Variants in KCNMA1 observed in about 807,000 individuals in gnomAD.
The protein encoded by KCNMA1 is Calcium-activated potassium channel subunit alpha-1.
In KCNMA1, 29 loss-of-function variants were observed where a neutral mutation model predicts 140.0. That is an observed-to-expected ratio of 0.21 (90% confidence interval 0.15 to 0.28). The LOEUF is 0.28. Ranked by LOEUF, KCNMA1 falls within the 10% of genes least tolerant of loss-of-function variation. The pLI, the probability that KCNMA1 is intolerant of heterozygous loss-of-function variation, is 1.00. For synonymous variants in KCNMA1, 612 were observed against 611.9 expected (o/e 1.00, Z 0.00); for missense variants, 880 against 1,602.2 (o/e 0.55, Z 7.70).
chr10:77,324,959 CTCTCTCTCTCTCTGTGTG>C (rs1468389215), intron 2 of KCNMA1, among the ~76,000 whole-genome samples: 8 of 121,386 alleles, frequency 6.6e-5, no homozygotes, highest in African/African-American at 2.3e-4. Flanking sequence ...CTCTCTCTCT[CTCTCTCTCTCTCTGTGTG>C]TGTGTGTGTG....
intron 3 of KCNMA1, among the ~76,000 whole-genome samples, chr10:77,198,568 G>GAGATATAT (rs1554968719): frequency 7.2e-6 from 1 of 138,428 alleles, no homozygotes; most frequent in Non-Finnish European, 1.5e-5. Context: ...ATATATATGT[G>GAGATATAT]ATATATATAT....
At position 77,275,152 on chromosome 10, in the gene KCNMA1, C is replaced by T. The variant is rs1437429912; in HGVS notation, c.541-23896G>A. ...AGAAGGCAGATCCTTCTTATTTGGA[C>T]AGCTTAGACCTCAGAGAGCCTATAC... On this transcript the variant is annotated intron_variant, in intron 2 of 27. Transcript: ENST00000286628. 3.3e-5 allele frequency among the ~76,000 whole-genome samples: 5 copies of T among 152,312 alleles called. No individual in the cohort carries two copies. In the South Asian group the frequency reaches 8.3e-4, roughly 25 times the overall value.
rs997489395 is a variant in KCNMA1 at position 77,471,721 on chromosome 10, TACAC to T, written c.379-67702_379-67699del. Among the ~76,000 whole-genome samples the T allele has an allele frequency of 1.2e-4, 17 of 146,174 alleles. 1 individual carries two copies. Among genetic ancestry groups the T allele is most frequent in the Non-Finnish European group, 2.2e-4 (15 of 66,774 alleles). On this transcript the variant is annotated intron_variant, in intron 1 of 27. Coordinates refer to ENST00000286628, the MANE Select transcript of KCNMA1 (RefSeq NM_001161352.2). ...ACACATTATATACACATATCACACA[TACAC>T]ACATAACACACATACACGCATTGTC...
At chr10:77,610,717 G>T (rs922067296) in intron 1 of KCNMA1, among the ~76,000 whole-genome samples, 4 of 152,240 alleles carry the variant, frequency 2.6e-5, no homozygotes, top group African/African-American at 7.2e-5. Flanking sequence ...AGACCAGCCA[G>T]GGACTGGGAG....
intron 23 of KCNMA1, among the ~76,000 whole-genome samples, chr10:76,934,094 T>A (rs2059922610): frequency 6.6e-6 from 1 of 152,200 alleles, no homozygotes; most frequent in African/African-American, 2.4e-5. Context: ...TGCCTCAGCT[T>A]CTGGAGTAGC....
intron 19 of KCNMA1, among the ~76,000 whole-genome samples, chr10:76,986,423 A>G (rs1190508198): frequency 3.3e-5 from 5 of 152,238 alleles, no homozygotes; most frequent in Admixed American, 6.5e-5. Context: ...CCAGTTATCC[A>G]GACAGGGAGC....
intron 2 of KCNMA1, among the ~76,000 whole-genome samples, chr10:77,388,038 T>G (rs958542735): frequency 2.0e-5 from 3 of 152,240 alleles, no homozygotes; most frequent in African/African-American, 7.2e-5. Context: ...TGAAAGCTGA[T>G]GAAAGATGAT....
At chr10:77,456,568 G>A (rs1174404228) in intron 1 of KCNMA1, among the ~76,000 whole-genome samples, 1 of 152,162 alleles carries the variant, frequency 6.6e-6, no homozygotes, top group African/African-American at 2.4e-5. Context: ...AAAACGTCTG[G>A]CATATGGCAG....
intron 2 of KCNMA1, among the ~76,000 whole-genome samples, chr10:77,270,890 A>G (rs2154280716): frequency 6.6e-6 from 1 of 152,280 alleles, no homozygotes; most frequent in East Asian, 1.9e-4. Flanking sequence ...TGAATGTCCC[A>G]GTTAGCCACA....
At chr10:77,025,416 T>C (rs1162022706) in intron 16 of KCNMA1, 1 of 1,593,208 alleles carries the variant, frequency 6.3e-7, no homozygotes, top group Non-Finnish European at 8.6e-7. Flanking sequence ...AGGGTGGAGG[T>C]TGGAAGAAAA....
At chr10:77,465,380 C>A (rs547823420) in intron 1 of KCNMA1, among the ~76,000 whole-genome samples, 50 of 152,268 alleles carry the variant, frequency 3.3e-4, no homozygotes, top group Non-Finnish European at 6.3e-4. Context: ...CTTCTGGCTC[C>A]AGGATGGCAC....
rs1052178 is a variant in KCNMA1, at chr10:77,636,291, C to A, written c.378+974G>T. On this transcript the variant is annotated intron_variant, in intron 1 of 27. Coordinates refer to ENST00000286628, the MANE Select transcript of KCNMA1 (RefSeq NM_001161352.2). The stretch of plus-strand genomic sequence containing the variant: ...TGGCTGTGGGGAAGGGAAGACATCT[C>A]TAGGGACACGACTACAGACCAGGCA... 1.5e-5 allele frequency: 22 copies of A among 1,482,820 alleles called. No individual in the cohort carries two copies. In the African/African-American group the frequency reaches 2.2e-4, roughly 15 times the overall value. The allele number at this position is 1,482,820 out of a possible 1,614,324, so 91.9% of individuals were successfully genotyped here. A position where few individuals can be genotyped will look rare whatever the true frequency, so the allele number is the denominator to read the frequency against.
intron 12 of KCNMA1, among the ~76,000 whole-genome samples, chr10:77,082,002 CTTTTCT>C (rs2096584099): frequency 5.8e-5 from 3 of 51,650 alleles, no homozygotes; most frequent in African/African-American, 5.5e-5. Flanking sequence ...TTCTTTTTTT[CTTTTCT>C]TTTTTTTTTT....
intron 1 of KCNMA1, among the ~76,000 whole-genome samples, chr10:77,524,938 G>A (rs1347243365): frequency 6.6e-6 from 1 of 152,146 alleles, no homozygotes; most frequent in African/African-American, 2.4e-5. Context: ...ATGATCCCCG[G>A]CCTCCCTCAG....
chr10:77,046,609 A>C (rs2095070058), intron 14 of KCNMA1, among the ~76,000 whole-genome samples: 1 of 152,190 alleles, frequency 6.6e-6, no homozygotes, highest in Non-Finnish European at 1.5e-5. Context: ...AAGGCCAGCA[A>C]GGTATTAAGA....
chr10:77,304,334 C>T (rs2077182427), intron 2 of KCNMA1: 1 of 152,196 alleles, frequency 6.6e-6, no homozygotes, highest in South Asian at 2.1e-4. Flanking sequence ...CTTAGAGATT[C>T]TGAGTTCCAG....
At chr10:77,218,894 C>T (rs1299533772) in intron 3 of KCNMA1, among the ~76,000 whole-genome samples, 3 of 152,070 alleles carry the variant, frequency 2.0e-5, no homozygotes, top group Non-Finnish European at 2.9e-5. Flanking sequence ...ATCATGTTGG[C>T]CAGGCTGATC....
At chr10:77,199,687 G>A (rs2154152286) in intron 3 of KCNMA1, among the ~76,000 whole-genome samples, 1 of 152,310 alleles carries the variant, frequency 6.6e-6, no homozygotes, top group Non-Finnish European at 1.5e-5. Flanking sequence ...GGCCTTGAGT[G>A]AGGATTAGAA....
intron 2 of KCNMA1, among the ~76,000 whole-genome samples, chr10:77,308,704 T>C (rs2078471046): frequency 6.6e-6 from 1 of 152,166 alleles, no homozygotes; most frequent in Non-Finnish European, 1.5e-5. Context: ...TCCACCGCCA[T>C]GCAGATAATG....
Sources: gnomAD v4.1 joint callset for allele counts (sites outside exome capture counted in the v4.1 genomes callset) on GRCh38, gnomAD v4.1.1 for gene constraint, MANE v1.5 for transcripts, NCBI Gene and HGNC (gene_info 2026-07-23, HGNC 2026-07-21) for gene names.